Variants in RNLS observed in about 807,000 individuals in gnomAD.
RNLS encodes the protein renalase.
A neutral mutation model predicts 39.8 loss-of-function variants in RNLS; 39 were observed. The ratio of observed to expected loss-of-function variants is 0.98; its 90% CI spans 0.76 to 1.28. The LOEUF (loss-of-function observed/expected upper bound fraction) is 1.28. RNLS is among the 50% of genes most tolerant of loss of function. The pLI is 0.00. For missense variants in RNLS, 410 were observed against 413.3 expected (o/e 0.99, Z 0.07); for synonymous variants, 147 against 150.7 (o/e 0.98, Z 0.18).
At chr10:88,469,516 G>C (rs1040571455) in intron 4 of RNLS, among the ~76,000 whole-genome samples, 13 of 152,158 alleles carry the variant, frequency 8.5e-5, no homozygotes, top group African/African-American at 3.1e-4. Flanking sequence ...CTCAGGTACA[G>C]ACAGTCAGGT....
At chr10:88,450,549 T>C (rs1196154066) in intron 4 of RNLS, among the ~76,000 whole-genome samples, 3 of 152,138 alleles carry the variant, frequency 2.0e-5, no homozygotes, top group Non-Finnish European at 4.4e-5. Flanking sequence ...AGGAGGACTA[T>C]GAATACTAGG....
intron 5 of RNLS, among the ~76,000 whole-genome samples, chr10:88,353,817 A>G (rs1330805462): frequency 6.6e-6 from 1 of 152,000 alleles, no homozygotes; most frequent in Non-Finnish European, 1.5e-5. Flanking sequence ...GAGGTGTTAA[A>G]TCTCCCATTA....
chr10:88,427,493 C>T (rs2133792271), intron 4 of RNLS, among the ~76,000 whole-genome samples: 1 of 152,092 alleles, frequency 6.6e-6, no homozygotes, highest in Non-Finnish European at 1.5e-5. Context: ...TAAGATATTT[C>T]ACCTACCTGA....
rs149331926 is a variant in RNLS, at chr10:88,564,724, A to C, written c.526+8179T>G. 8.3e-3 allele frequency among the ~76,000 whole-genome samples: 1,266 copies of C among 152,332 alleles called. 14 individuals carry two copies. Among genetic ancestry groups the C allele is most frequent in the African/African-American group, 0.028 (1,176 of 41,564 alleles). Reference sequence around the variant, plus strand: ...ATCTTTGTAATAAGAATATAGAGAAAGTAGCACTATTATAGAATCAGAAAG... The same window carrying C: ...ATCTTTGTAATAAGAATATAGAGAACGTAGCACTATTATAGAATCAGAAAG... On this transcript the variant is annotated intron_variant, in intron 4 of 6. Coordinates refer to ENST00000331772, the MANE Select transcript of RNLS (RefSeq NM_001031709.3).
At chr10:88,424,022 G>A (rs1455530185) in intron 4 of RNLS, among the ~76,000 whole-genome samples, 3 of 152,134 alleles carry the variant, frequency 2.0e-5, no homozygotes, top group South Asian at 2.1e-4. Context: ...GTAAAGTCTT[G>A]TCTCACCACC....
At chr10:88,347,103 C>T (rs1356607933) in intron 5 of RNLS, among the ~76,000 whole-genome samples, 2 of 152,122 alleles carry the variant, frequency 1.3e-5, no homozygotes, top group African/African-American at 4.8e-5. Flanking sequence ...TACTGTTTCC[C>T]AGGACCTGAG....
intron 4 of RNLS, among the ~76,000 whole-genome samples, chr10:88,371,961 C>G (rs1446963968): frequency 6.6e-6 from 1 of 151,906 alleles, no homozygotes; most frequent in East Asian, 1.9e-4. Context: ...TGTGTGGGAC[C>G]CTAACAATCA....
chr10:88,257,853 C>T, the RNLS span, among the ~76,000 whole-genome samples: 1 of 152,156 alleles, frequency 6.6e-6, no homozygotes, highest in African/African-American at 2.4e-5. Flanking sequence ...CTATAAATGA[C>T]TTTGGGAGGG....
At chr10:88,366,663 GAAAAAAAAA>G (rs774157650) in intron 4 of RNLS, among the ~76,000 whole-genome samples, 17 of 25,840 alleles carry the variant, frequency 6.6e-4, no homozygotes, top group Admixed American at 3.9e-3. Flanking sequence ...TAAGTTTTCT[GAAAAAAAAA>G]AAAAAAAAAA....
chr10:88,439,086 A>T (rs1841569953), intron 4 of RNLS, among the ~76,000 whole-genome samples: 1 of 152,148 alleles, frequency 6.6e-6, no homozygotes, highest in Admixed American at 6.6e-5. Flanking sequence ...TTTGCTCCCT[A>T]TTACATCTCG....
chr10:88,264,538 T>A, the RNLS span, among the ~76,000 whole-genome samples: 1 of 152,214 alleles, frequency 6.6e-6, no homozygotes, highest in Non-Finnish European at 1.5e-5. Context: ...TGGTATCACA[T>A]TGTGGTTTTG....
chr10:88,407,767 T>C (rs1853380854), intron 4 of RNLS, among the ~76,000 whole-genome samples: 1 of 152,158 alleles, frequency 6.6e-6, no homozygotes, highest in African/African-American at 2.4e-5. Flanking sequence ...TTGAAAGTTA[T>C]TATTAGGGCA....
chr10:88,455,826 CACAAA>C (rs558591989), intron 4 of RNLS, among the ~76,000 whole-genome samples: 2 of 152,072 alleles, frequency 1.3e-5, no homozygotes, highest in Admixed American at 6.6e-5. Flanking sequence ...GGTTATTTCC[CACAAA>C]ACAAAACAAA....
chr10:88,471,686 A>G (rs1589850858), intron 4 of RNLS, among the ~76,000 whole-genome samples: 1 of 152,186 alleles, frequency 6.6e-6, no homozygotes, highest in African/African-American at 2.4e-5. Flanking sequence ...GACGCAGATT[A>G]AAATTAGCAA....
intron 4 of RNLS, among the ~76,000 whole-genome samples, chr10:88,534,965 CA>C (rs1398586513): frequency 6.6e-6 from 1 of 151,968 alleles, no homozygotes; most frequent in Non-Finnish European, 1.5e-5. Flanking sequence ...AAAATCAAAG[CA>C]AAAATGGCAA....
At chr10:88,293,434 A>C (rs1843825709) in intron 6 of RNLS, among the ~76,000 whole-genome samples, 1 of 152,170 alleles carries the variant, frequency 6.6e-6, no homozygotes, top group South Asian at 2.1e-4. Context: ...GCAAAGCACA[A>C]AGGTAGTTTT....
intron 4 of RNLS, among the ~76,000 whole-genome samples, chr10:88,570,469 A>T (rs556323757): frequency 6.6e-6 from 1 of 152,350 alleles, no homozygotes; most frequent in East Asian, 1.9e-4. Flanking sequence ...CAATTCGCAA[A>T]TATTAAAGAA....
At chr10:88,417,694 G>A (rs1854121144) in intron 4 of RNLS, among the ~76,000 whole-genome samples, 1 of 152,178 alleles carries the variant, frequency 6.6e-6, no homozygotes, top group South Asian at 2.1e-4. Context: ...CAATGCCAAG[G>A]ACTTTAGCCA....
intron 4 of RNLS, among the ~76,000 whole-genome samples, chr10:88,381,073 C>T (rs934663224): frequency 7.2e-5 from 11 of 152,202 alleles, no homozygotes; most frequent in East Asian, 1.9e-4. Flanking sequence ...TCCAGTAGAA[C>T]GCATAGTATA....
Sources: gnomAD v4.1 joint callset for allele counts (sites outside exome capture counted in the v4.1 genomes callset) on GRCh38, gnomAD v4.1.1 for gene constraint, MANE v1.5 for transcripts, NCBI Gene and HGNC (gene_info 2026-07-23, HGNC 2026-07-21) for gene names.